The following MYH7B variants were observed in gnomAD, a reference collection of about 807,000 sequenced individuals.
MYH7B encodes myosin heavy chain 7B, also known as myosin-7B.
Under a neutral mutation model 234.5 loss-of-function variants are expected in MYH7B, and 205 were observed. That is an observed-to-expected ratio of 0.87 (90% CI 0.78 to 0.98). The LOEUF (loss-of-function observed/expected upper bound fraction) is 0.98, where lower values mean the gene tolerates loss of function less well. Ranked by LOEUF, MYH7B falls within the 50% of genes least tolerant of loss-of-function variation. The pLI is 0.00. For missense variants in MYH7B, 2,652 were observed against 2,633.4 expected (o/e 1.01, Z -0.15); for synonymous variants, 1,193 against 1,105.0 (o/e 1.08, Z -1.58).
rs368917054 is a variant in MYH7B, at chr20:35,001,326, C to T, written c.5557C>T (p.Arg1853Cys). ...TAAGGGCGTGCGCAAGCATGAGCGC[C>T]GTGTCAAGGAGCTCGCATACCAGGT... The change falls in exon 42 of 45, where the codon CGT (arginine) becomes TGT (cysteine). Residue 1853 changes from arginine to cysteine, a missense_variant. By Grantham distance (180) the Arg-to-Cys change is radical. Around this residue, in one of 3 missense-constraint regions of MYH7B, gnomAD observed 2,279 missense variants for 2,211.4 expected, o/e 1.03. Transcript: ENST00000262873. 16 of 1,611,176 alleles carry T rather than the reference C, an allele frequency of 9.9e-6. No individual in the cohort carries two copies. The Admixed American group carries it at 1.0e-4, about 10-fold the overall frequency.
exon 5 of MYH7B, chr20:34,978,086 C>G: frequency 6.2e-7 from 1 of 1,614,026 alleles, no homozygotes; most frequent in Non-Finnish European, 8.5e-7. Context: ...TGCACACTAT[C>G]CCATGGGACG....
chr20:34,981,853 C>T (rs1475558583), intron 9 of MYH7B: 4 of 70,932 alleles, frequency 5.6e-5, no homozygotes, highest in Non-Finnish European at 7.8e-5. Context: ...CTCCATCTCA[C>T]GAAAAAAAAA....
chr20:34,966,780 G>T (rs1051666483), intron 2 of MYH7B, among the ~76,000 whole-genome samples: 1 of 152,068 alleles, frequency 6.6e-6, no homozygotes, highest in Non-Finnish European at 1.5e-5. Context: ...ATGAAATTTG[G>T]CTAGGCATGG....
chr20:34,991,365 G>C (rs2082147271), intron 24 of MYH7B, among the ~76,000 whole-genome samples: 1 of 152,190 alleles, frequency 6.6e-6, no homozygotes, highest in Admixed American at 6.5e-5. Flanking sequence ...CTGATAAGCT[G>C]GACATGGAAT....
intron 14 of MYH7B, 113 bp from the exon 15 acceptor site, chr20:34,986,773 G>C: frequency 1.2e-6 from 1 of 801,734 alleles, no homozygotes; most frequent in South Asian, 1.5e-5. Context: ...CTCTGGGAGG[G>C]CCCTAGACTC....
chr20:34,982,622 CTTTT>C (rs541168287), intron 10 of MYH7B, 67 bp downstream of exon 10: 13 of 1,062,142 alleles, frequency 1.2e-5, no homozygotes, highest in African/African-American at 3.3e-5. Context: ...TTCTTCCTCT[CTTTT>C]TTTTTTTTCC....
At chr20:35,001,053 G>A (rs1015346318) in exon 41 of MYH7B, 17 of 1,613,918 alleles carry the variant, frequency 1.1e-5, no homozygotes, top group Non-Finnish European at 1.4e-5. Flanking sequence ...AACGGATGAA[G>A]AAGACGCTGG....
At chr20:34,980,715 C>G in exon 8 of MYH7B, 6 of 1,614,170 alleles carry the variant, frequency 3.7e-6, no homozygotes, top group Non-Finnish European at 5.1e-6. Flanking sequence ...CGGACAACGC[C>G]TACAACGACA....
At chr20:34,980,489 G>A in intron 7 of MYH7B, 89 bp from the exon 8 acceptor site, 1 of 1,225,268 alleles carries the variant, frequency 8.2e-7, no homozygotes, top group East Asian at 2.3e-5. Flanking sequence ...GGTGAGCCGA[G>A]ATCATGCCGT....
At chr20:34,996,198 C>A (rs908336457) in intron 28 of MYH7B, 148 bp from the exon 29 acceptor site, 1 of 914,932 alleles carries the variant, frequency 1.1e-6, no homozygotes, top group Non-Finnish European at 1.6e-6. Context: ...AGGGTCCTTC[C>A]CTCAGGCAGA....
chr20:34,997,336 G>C, exon 32 of MYH7B: 9 of 1,544,336 alleles, frequency 5.8e-6, no homozygotes, highest in Middle Eastern at 2.3e-4. Context: ...GAGGCGGCGC[G>C]GGAGCTGGAG....
chr20:34,989,961 C>A (rs1388233954), intron 20 of MYH7B, 42 bp downstream of exon 20: 1 of 1,612,966 alleles, frequency 6.2e-7, no homozygotes, highest in Non-Finnish European at 8.5e-7. Context: ...CAGGCTCCTC[C>A]CGCCCTGCTC....
Position 34,996,333 on chromosome 20 carries a change from G to T in MYH7B, c.2944-13G>T, listed in dbSNP as rs562684131. 2.5e-6 allele frequency: 4 copies of T among 1,570,728 alleles called. No individual in the cohort carries two copies. The Admixed American group carries it at 7.6e-5, about 30-fold the overall frequency. On this transcript the variant is annotated splice_polypyrimidine_tract_variant and intron_variant, in intron 28 of 44. Transcript: ENST00000262873. The stretch of plus-strand genomic sequence containing the variant: ...GGAAGGGCGTCCCCATTCTGGCCCT[G>T]GCCCTGGCACAGGTGAAGAACCTGA...
intron 2 of MYH7B, among the ~76,000 whole-genome samples, chr20:34,969,956 CAT>C (rs922764694): frequency 6.6e-6 from 1 of 152,110 alleles, no homozygotes; most frequent in African/African-American, 2.4e-5. Context: ...TGGTTTAACT[CAT>C]ATAATGCTCA....
At chr20:35,000,815 C>T (rs1241266713) in exon 40 of MYH7B, 2 of 1,613,690 alleles carry the variant, frequency 1.2e-6, no homozygotes, top group South Asian at 1.1e-5. Context: ...CGGACTTGGC[C>T]CAGCTGAGCG....
exon 33 of MYH7B, chr20:34,998,365 T>C: frequency 6.2e-7 from 1 of 1,613,882 alleles, no homozygotes. Flanking sequence ...GTGGAGGAGC[T>C]GCAGCGGCAG....
At chr20:34,990,676 C>T (rs919946027) in intron 22 of MYH7B, 62 bp from the exon 23 acceptor site, 19 of 1,497,068 alleles carry the variant, frequency 1.3e-5, no homozygotes, top group East Asian at 4.5e-5. Context: ...CTGACCACTG[C>T]GGCATCCAAT....
chr20:34,972,023 C>T (rs545675748), intron 2 of MYH7B, among the ~76,000 whole-genome samples: 2 of 152,254 alleles, frequency 1.3e-5, no homozygotes, highest in South Asian at 2.1e-4. Flanking sequence ...ATTTCCTGTC[C>T]CCTCTTGCCA....
rs191389090 is a variant in MYH7B, at chr20:34,990,112, G to A, written c.1866G>A (p.Ala622=). 2,873 of 1,614,100 alleles carry A rather than the reference G, an allele frequency of 1.8e-3. 11 individuals are homozygous for A. Among genetic ancestry groups the A allele is most frequent in the Middle Eastern group, 7.8e-3 (47 of 6,062 alleles). Residue 622 remains alanine (A), a synonymous_variant, in exon 21 of 45, where the codon GCG becomes GCA. Transcript: ENST00000262873. ...AGAAGTCACAGAATAGGCTCCTGGC[G>A]ACTCTCTATGAGAATTATGCGGGCT...
Sources: gnomAD v4.1 joint callset for allele counts (sites outside exome capture counted in the v4.1 genomes callset) on GRCh38, gnomAD v4.1.1 for gene constraint, gnomAD v4.1.1 regional missense constraint, MANE v1.5 for transcripts, NCBI Gene and HGNC (gene_info 2026-07-23, HGNC 2026-07-21) for gene names.